Variants in AGBL1 observed in about 807,000 individuals in gnomAD.
AGBL1 encodes the protein cytosolic carboxypeptidase 4.
AGBL1 carries 130 observed loss-of-function variants against 118.9 expected under a neutral mutation model. The ratio of observed to expected loss-of-function variants is 1.09; its 90% confidence interval spans 0.95 to 1.26. The LOEUF (loss-of-function observed/expected upper bound fraction) is 1.26. Among genes scored for constraint, AGBL1 ranks in the 50% most tolerant of loss-of-function variants. The pLI, the probability that AGBL1 is intolerant of heterozygous loss-of-function variation, is 0.00. For missense variants in AGBL1, 1,584 were observed against 1,298.1 expected (o/e 1.22, Z -3.38); for synonymous variants, 555 against 478.9 (o/e 1.16, Z -2.08).
chr15:86,105,744 A>C (rs187447150), intron 1 of AGBL1, among the ~76,000 whole-genome samples: 2 of 152,340 alleles, frequency 1.3e-5, no homozygotes, highest in African/African-American at 4.8e-5. Context: ...GTTTGATTAC[A>C]CAAATAAGTG....
intron 18 of AGBL1, among the ~76,000 whole-genome samples, chr15:86,465,940 C>T (rs771730816): frequency 6.6e-6 from 1 of 152,184 alleles, no homozygotes; most frequent in Non-Finnish European, 1.5e-5. Flanking sequence ...ACACCCCTCC[C>T]CTTTTGAAAA....
intron 21 of AGBL1, among the ~76,000 whole-genome samples, chr15:86,555,683 C>T (rs2083723888): frequency 6.6e-6 from 1 of 152,102 alleles, no homozygotes; most frequent in African/African-American, 2.4e-5. Flanking sequence ...TGAGATTGGG[C>T]ATCAAGAGAT....
chr15:86,258,797 C>G (rs1173467223), intron 9 of AGBL1, among the ~76,000 whole-genome samples: 1 of 152,106 alleles, frequency 6.6e-6, no homozygotes, highest in Non-Finnish European at 1.5e-5. Context: ...ACCTCCACCT[C>G]CCGGATCCAA....
At chr15:86,112,304 G>A (rs1022064220) in intron 1 of AGBL1, among the ~76,000 whole-genome samples, 3 of 151,496 alleles carry the variant, frequency 2.0e-5, no homozygotes, top group Admixed American at 6.6e-5. Context: ...ATGTATGGGC[G>A]TTTGTCATTC....
At chr15:86,935,921 A>G (rs773439859) in intron 23 of AGBL1, among the ~76,000 whole-genome samples, 1 of 152,260 alleles carries the variant, frequency 6.6e-6, no homozygotes, top group Non-Finnish European at 1.5e-5. Context: ...GTTTACAAAT[A>G]AAAACAAAAG....
intron 22 of AGBL1, among the ~76,000 whole-genome samples, chr15:86,705,997 T>G (rs1179138276): frequency 6.6e-6 from 1 of 152,198 alleles, no homozygotes; most frequent in East Asian, 1.9e-4. Flanking sequence ...AATAAATAGT[T>G]TTTTAAGTAC....
rs770556494 is a variant in AGBL1, at chr15:86,870,454, C to CAAAAAAAAAAAAAAAAAAAA, written c.3159-36610_3159-36591dup. On this transcript the variant is annotated intron_variant, in intron 22 of 22. Coordinates refer to ENST00000614907, the MANE Select transcript of AGBL1 (RefSeq NM_001386094.1). Reference sequence around the variant, plus strand: ...GGCAAGAAAAAAGTAAAGCATACTGCAAAAAAAAAAAAAAAAAAAAAAAAA... The same window carrying CAAAAAAAAAAAAAAAAAAAA: ...GGCAAGAAAAAAGTAAAGCATACTGCAAAAAAAAAAAAAAAAAAAAAAAAAAAAAAAAAAAAAAAAAAAAA... Among the ~76,000 whole-genome samples, 36 of 64,120 alleles carry CAAAAAAAAAAAAAAAAAAAA rather than the reference C, an allele frequency of 5.6e-4. 4 individuals are homozygous for CAAAAAAAAAAAAAAAAAAAA. Among genetic ancestry groups the CAAAAAAAAAAAAAAAAAAAA allele is most frequent in the South Asian group, 1.4e-3 (2 of 1,472 alleles). 42.1% of individuals were successfully genotyped at this position (64,120 alleles called of 152,430 possible).
chr15:86,862,032 T>G, intron 22 of AGBL1, among the ~76,000 whole-genome samples: 1 of 152,204 alleles, frequency 6.6e-6, no homozygotes, highest in East Asian at 1.9e-4. Flanking sequence ...TCCCTGTTCC[T>G]TCTGCTTGTG....
At chr15:86,742,515 G>C (rs2077694768) in intron 22 of AGBL1, among the ~76,000 whole-genome samples, 1 of 152,054 alleles carries the variant, frequency 6.6e-6, no homozygotes, top group South Asian at 2.1e-4. Flanking sequence ...CACGAGATCA[G>C]ATTATGGGAT....
At chr15:86,167,719 G>T (rs890973353) in intron 5 of AGBL1, among the ~76,000 whole-genome samples, 2 of 152,232 alleles carry the variant, frequency 1.3e-5, no homozygotes, top group Non-Finnish European at 2.9e-5. Context: ...AGCCAACTCA[G>T]TTGGCTGGGA....
In AGBL1 at chr15:86,754,754, C is replaced by A. The variant is rs183965173; in HGVS notation, c.3158+80318C>A. Among the ~76,000 whole-genome samples the A allele has an allele frequency of 2.2e-3, 337 of 152,152 alleles. 2 individuals carry two copies. The highest frequency in any genetic ancestry group is 7.9e-3 in the African/African-American group (327 of 41,544). ...CTAATATCCCTGCATAAAGTGGTTT[C>A]TTTATTCCCATCCTTTTATCTTTTT... On this transcript the variant is annotated intron_variant, in intron 22 of 22. Coordinates refer to ENST00000614907, the MANE Select transcript of AGBL1 (RefSeq NM_001386094.1).
intron 21 of AGBL1, among the ~76,000 whole-genome samples, chr15:86,643,899 T>C (rs2085231495): frequency 6.6e-6 from 1 of 152,160 alleles, no homozygotes; most frequent in African/African-American, 2.4e-5. Flanking sequence ...GCTTTCAACT[T>C]TTAGGACCTT....
intron 18 of AGBL1, among the ~76,000 whole-genome samples, chr15:86,486,415 C>T (rs1307219732): frequency 1.3e-5 from 2 of 152,220 alleles, no homozygotes; most frequent in East Asian, 1.9e-4. Flanking sequence ...AGTAATGATT[C>T]CATGCTTTTG....
At chr15:86,465,569 A>T (rs2082392605) in intron 18 of AGBL1, among the ~76,000 whole-genome samples, 2 of 152,330 alleles carry the variant, frequency 1.3e-5, no homozygotes, top group Middle Eastern at 6.8e-3. Context: ...GCAACGAATA[A>T]CCTGGGAAAA....
At chr15:86,512,065 C>A (rs532590852) in intron 18 of AGBL1, among the ~76,000 whole-genome samples, 92 of 151,958 alleles carry the variant, frequency 6.1e-4, no homozygotes, top group Admixed American at 3.3e-4. Flanking sequence ...TGTGAATATA[C>A]GTTTATGAAA....
At chr15:86,735,089 A>G (rs1016397460) in intron 22 of AGBL1, among the ~76,000 whole-genome samples, 1 of 151,850 alleles carries the variant, frequency 6.6e-6, no homozygotes, top group Admixed American at 6.6e-5. Context: ...AATAATTATT[A>G]TTATTATTTA....
chr15:86,959,236 C>A (rs548387794), intron 23 of AGBL1, among the ~76,000 whole-genome samples: 1 of 151,946 alleles, frequency 6.6e-6, no homozygotes, highest in South Asian at 2.1e-4. Flanking sequence ...GAAGTGTGTT[C>A]ATAAAAAAGG....
At chr15:86,151,203 T>A (rs1464686683) in intron 3 of AGBL1, among the ~76,000 whole-genome samples, 1 of 151,430 alleles carries the variant, frequency 6.6e-6, no homozygotes, top group Admixed American at 6.6e-5. Context: ...TAATGCTAGA[T>A]GACAAGTTAG....
In AGBL1 at chr15:86,975,456, G is replaced by A. The variant is rs116587846; in HGVS notation, c.3222-12531G>A. Among the ~76,000 whole-genome samples, 1,228 of 152,074 alleles carry A rather than the reference G, an allele frequency of 8.1e-3. 9 individuals are homozygous for A. Among genetic ancestry groups the A allele is most frequent in the African/African-American group, 0.024 (1,008 of 41,498 alleles). On this transcript the variant is annotated intron_variant, in intron 23 of 24. Coordinates refer to the AGBL1 transcript ENST00000441037. ...TTACCTCCCACAGGGCCCCTCCCAC[G>A]ACACCTGGGAATTATGGGAGCTGCA...
Sources: allele counts gnomAD v4.1 joint callset (sites outside exome capture counted in the v4.1 genomes callset), GRCh38; gene constraint gnomAD v4.1.1; transcripts MANE v1.5; gene names NCBI Gene and HGNC (gene_info 2026-07-23, HGNC 2026-07-21).